Variants in EIF3A observed in about 807,000 individuals in gnomAD.
EIF3A encodes eukaryotic translation initiation factor 3 subunit A, also known as EIF3, p180 subunit.
Under a neutral mutation model 186.6 loss-of-function variants are expected in EIF3A, and 21 were observed. The ratio of observed to expected loss-of-function variants is 0.11; its 90% CI spans 0.08 to 0.16. EIF3A has a LOEUF of 0.16. EIF3A is among the 10% of genes least tolerant of loss of function. The pLI is 1.00. For missense variants in EIF3A, 1,306 were observed against 1,796.3 expected, an observed-to-expected ratio of 0.73 and a Z score of 4.93; for synonymous variants, 563 against 584.3, an observed-to-expected ratio of 0.96 and a Z score of 0.52.
At chr10:119,053,651 T>C (rs1452750750) in intron 14 of EIF3A, among the ~76,000 whole-genome samples, 5 of 146,348 alleles carry the variant, frequency 3.4e-5, no homozygotes, top group African/African-American at 1.0e-4. Context: ...GCCCAGGGGG[T>C]AGATACTGTA....
chr10:119,036,799 C>CAG (rs1848134668), intron 21 of EIF3A, among the ~76,000 whole-genome samples: 1 of 152,132 alleles, frequency 6.6e-6, no homozygotes, highest in Non-Finnish European at 1.5e-5. Flanking sequence ...GTTACAATTT[C>CAG]AGAGAAAATG....
At chr10:119,079,851 T>C (rs867149950) in intron 1 of EIF3A, among the ~76,000 whole-genome samples, 1 of 152,178 alleles carries the variant, frequency 6.6e-6, no homozygotes, top group East Asian at 1.9e-4. Flanking sequence ...CGGAGTGACC[T>C]TGGGGAAACC....
intron 1 of EIF3A, among the ~76,000 whole-genome samples, chr10:119,077,962 T>C (rs1038656187): frequency 6.6e-6 from 1 of 152,164 alleles, no homozygotes; most frequent in Non-Finnish European, 1.5e-5. Context: ...AGATTAATAT[T>C]ATAGAAATAA....
intron 1 of EIF3A, among the ~76,000 whole-genome samples, chr10:119,077,567 T>C (rs1440386011): frequency 1.3e-5 from 2 of 151,728 alleles, no homozygotes; most frequent in Non-Finnish European, 2.9e-5. Flanking sequence ...TTTTTTTTTT[T>C]TTTTGGAGAA....
rs750549811 is a variant in EIF3A, at chr10:119,070,881, C to G, written c.741+5G>C. 1.2e-6 allele frequency: 2 copies of G among 1,606,480 alleles called. No homozygotes were observed. The highest frequency in any genetic ancestry group is 1.7e-6 in the Non-Finnish European group (2 of 1,173,194). ...TAGGAAGAAAAGCTAATAGCTCCAACATACCTGCCACAATTCCATGCTGAT... is the reference window on the plus strand; with the variant it reads ...TAGGAAGAAAAGCTAATAGCTCCAAGATACCTGCCACAATTCCATGCTGAT... On this transcript the variant is annotated splice_donor_5th_base_variant and intron_variant, in intron 5 of 21. Transcript: ENST00000369144.
At position 119,038,221 on chromosome 10, in the gene EIF3A, TA is replaced by T. The variant is rs1180523305; in HGVS notation, c.3728+16del. On this transcript the variant is annotated intron_variant, in intron 20 of 21. Coordinates refer to ENST00000369144, the MANE Select transcript of EIF3A (RefSeq NM_003750.4). ...CTGCGCCCGGCCTCTACAAATAATTTAATTAGAGCATCACACCTAGGTCTTC... is the reference window on the plus strand; with the variant it reads ...CTGCGCCCGGCCTCTACAAATAATTTATTAGAGCATCACACCTAGGTCTTC... 2.5e-6 allele frequency: 4 copies of T among 1,608,166 alleles called. No homozygotes were observed. The Admixed American group carries it at 6.8e-5, about 27-fold the overall frequency.
In EIF3A at chr10:119,073,842, G is replaced by C. The variant is rs776056546; in HGVS notation, c.145C>G (p.Pro49Ala). 1 of 1,613,878 alleles carries C rather than the reference G, an allele frequency of 6.2e-7. No individual in the cohort carries two copies. Reference protein sequence around the residue: ...KHRTWQKIHEPIMLKYLELCV... With the variant: ...KHRTWQKIHEAIMLKYLELCV... ...AGTTCCAAGTATTTCAACATAATTGGTTCGTGTATCTTTTGCCATGTTCTA... is the reference window on the plus strand; with the variant it reads ...AGTTCCAAGTATTTCAACATAATTGCTTCGTGTATCTTTTGCCATGTTCTA... Residue 49 changes from proline to alanine, a missense_variant, in exon 2 of 22, where the codon CCA becomes GCA. Physicochemically the swap from Pro to Ala is conservative, Grantham distance 27. Transcript: ENST00000369144.
chr10:119,070,509 T>C (rs932762427), intron 5 of EIF3A, among the ~76,000 whole-genome samples: 4 of 152,138 alleles, frequency 2.6e-5, no homozygotes, highest in African/African-American at 9.7e-5. Flanking sequence ...ACACAAAATG[T>C]ACAATAAAAT....
intron 15 of EIF3A, among the ~76,000 whole-genome samples, 184 bp from the exon 16 acceptor site, chr10:119,050,858 A>G (rs755458471): frequency 1.1e-4 from 17 of 152,202 alleles, no homozygotes; most frequent in Non-Finnish European, 2.2e-4. Flanking sequence ...ATTTTAAAAC[A>G]TTTAAATTGT....
At chr10:119,074,984 CTTTTTTTTT>C (rs113459869) in intron 1 of EIF3A, among the ~76,000 whole-genome samples, 1 of 105,230 alleles carries the variant, frequency 9.5e-6, no homozygotes, top group African/African-American at 3.6e-5. Flanking sequence ...TATTTTTTTT[CTTTTTTTTT>C]TTTTTTGACA....
At position 119,073,833 on chromosome 10, in the gene EIF3A, A is replaced by C; in HGVS notation, c.154T>G (p.Leu52Val). 6.2e-7 allele frequency: 1 copy of C among 1,614,112 alleles called. No homozygotes were observed. Among genetic ancestry groups the C allele is most frequent in the Non-Finnish European group, 8.5e-7 (1 of 1,179,994 alleles). ...TWQKIHEPIM[L>V]KYLELCVDLR... Reference sequence around the variant, plus strand: ...TCCACGCAAAGTTCCAAGTATTTCAACATAATTGGTTCGTGTATCTTTTGC... The same window carrying C: ...TCCACGCAAAGTTCCAAGTATTTCACCATAATTGGTTCGTGTATCTTTTGC... The change falls in exon 2 of 22, where the codon TTG (leucine) becomes GTG (valine). Residue 52 changes from leucine (L) to valine (V), a missense_variant. Leu to Val is a conservative substitution (Grantham distance 32). Transcript: ENST00000369144.
chr10:119,067,833 T>TG (rs2119819910), intron 6 of EIF3A, among the ~76,000 whole-genome samples: 1 of 152,102 alleles, frequency 6.6e-6, no homozygotes, highest in South Asian at 2.1e-4. Flanking sequence ...TTTTTTGAGA[T>TG]GGAGTCTTGC....
chr10:119,067,847 A>G (rs925078250), intron 6 of EIF3A, among the ~76,000 whole-genome samples: 2 of 151,638 alleles, frequency 1.3e-5, no homozygotes, highest in Non-Finnish European at 2.9e-5. Flanking sequence ...GTCTTGCTCT[A>G]TCGTCCAGGC....
rs923972991 is a variant in EIF3A, at chr10:119,034,199, AG to A, written c.*1839del. ...GTGGAAACCAAGAGCAGGATCGCAA[AG>A]TAACAGCATCAGACTCTTCTGCCCT... On this transcript the variant is annotated 3_prime_UTR_variant, in exon 22 of 22. Coordinates refer to ENST00000369144, the MANE Select transcript of EIF3A (RefSeq NM_003750.4). 6.0e-6 allele frequency: 1 copy of A among 167,154 alleles called. No individual in the cohort carries two copies. Among genetic ancestry groups the A allele is most frequent in the African/African-American group, 2.4e-5 (1 of 41,478 alleles). 10.4% of individuals were successfully genotyped at this position (167,154 alleles called of 1,614,324 possible).
At chr10:119,069,369 G>T in intron 6 of EIF3A, 77 bp downstream of exon 6, 3 of 769,684 alleles carry the variant, frequency 3.9e-6, no homozygotes, top group South Asian at 1.6e-5. Context: ...AGAAACCATG[G>T]CCTAAAATAT....
Position 119,057,963 on chromosome 10 carries a change from T to A in EIF3A, c.1970A>T (p.Asp657Val), listed in dbSNP as rs1217987834. 1 of 1,610,470 alleles carries A rather than the reference T, an allele frequency of 6.2e-7. No individual in the cohort carries two copies. Among genetic ancestry groups the A allele is most frequent in the East Asian group, 2.2e-5 (1 of 44,872 alleles). ...ELGAKAFKDI[D>V]IEDLEELDPD... ...AACTAAGATGCTACGTACTTCAATA[T>A]CAATATCTTTGAATGCTTTGGCACC... is the stretch of plus-strand genomic sequence containing the variant. The change falls in exon 12 of 22, where the codon GAT (aspartate) becomes GTT (valine). Residue 657 changes from aspartate to valine, a missense_variant. Around this residue, in one of 8 missense-constraint regions of EIF3A, gnomAD observed 94 missense variants for 204.9 expected, o/e 0.46. Coordinates refer to ENST00000369144, the MANE Select transcript of EIF3A (RefSeq NM_003750.4).
rs1844252765 is a variant in EIF3A at position 119,080,755 on chromosome 10, A to T, written c.-79T>A. ...CCGGGAGAGGAGACGAAGGGGAACC[A>T]GCGTAAGGTCCCACGCGCCTCGCCA... On this transcript the variant is annotated 5_prime_UTR_variant, in exon 1 of 22. Coordinates refer to ENST00000369144, the MANE Select transcript of EIF3A (RefSeq NM_003750.4). 2.0e-6 allele frequency: 3 copies of T among 1,532,074 alleles called. No individual in the cohort carries two copies. The Admixed American group carries it at 6.1e-5, about 31-fold the overall frequency. The allele number at this position is 1,532,074 out of a possible 1,614,324, so 94.9% of individuals were successfully genotyped here. A position where few individuals can be genotyped will look rare whatever the true frequency, so the allele number is the denominator to read the frequency against.
At chr10:119,056,458 A>G (rs551352357) in intron 14 of EIF3A, among the ~76,000 whole-genome samples, 11 of 152,308 alleles carry the variant, frequency 7.2e-5, no homozygotes, top group African/African-American at 2.6e-4. Context: ...TAAAATGAAA[A>G]CTATGAGATG....
rs762744395 is a variant in EIF3A, at chr10:119,072,949, A to G, written c.482T>C (p.Leu161Ser). 2 of 1,614,198 alleles carry G rather than the reference A, an allele frequency of 1.2e-6. No homozygotes were observed. The highest frequency in any genetic ancestry group is 3.3e-5 in the Admixed American group (2 of 60,024). Reference protein sequence around the residue: ...KFLWESYRQCLDLLRNNSRVE... With the variant: ...KFLWESYRQCSDLLRNNSRVE... ...TCTAGAATTGTTTCTAAGAAGGTCC[A>G]AACACTGCCTGTAAGACTCCCACAG... Residue 161 changes from leucine (L) to serine (S), a missense_variant, in exon 4 of 22, where the codon TTG (leucine) becomes TCG (serine). By Grantham distance (145) the Leu-to-Ser change is moderately radical. Coordinates refer to ENST00000369144, the MANE Select transcript of EIF3A (RefSeq NM_003750.4).
Sources: gnomAD v4.1 joint callset for allele counts (sites outside exome capture counted in the v4.1 genomes callset) on GRCh38, gnomAD v4.1.1 for gene constraint, gnomAD v4.1.1 regional missense constraint, MANE v1.5 for transcripts, NCBI Gene and HGNC (gene_info 2026-07-23, HGNC 2026-07-21) for gene names.